The following CRYBG3 variants were observed in gnomAD, a reference collection of about 807,000 sequenced individuals.
CRYBG3 encodes the protein very large A-kinase anchor protein.
A neutral mutation model predicts 244.2 loss-of-function variants in CRYBG3; 127 were observed. The observed-to-expected ratio is 0.52, with a 90% CI of 0.45 to 0.60. CRYBG3 has a LOEUF of 0.60. CRYBG3 is among the 20% of genes least tolerant of loss of function. The pLI, the probability that CRYBG3 is intolerant of heterozygous loss-of-function variation, is 0.00. For synonymous variants in CRYBG3, 1,132 were observed against 1,195.8 expected (o/e 0.95, Z 1.10); for missense variants, 3,325 against 3,442.5 (o/e 0.97, Z 0.85).
At chr3:97,843,887 A>G (rs1376121540) in intron 2 of CRYBG3, among the ~76,000 whole-genome samples, 2 of 152,128 alleles carry the variant, frequency 1.3e-5, no homozygotes, top group African/African-American at 4.8e-5. Flanking sequence ...TCCAGTTTCT[A>G]GGTATGTGAT....
chr3:97,902,398 G>T (rs1263120521), intron 15 of CRYBG3, among the ~76,000 whole-genome samples: 1 of 151,836 alleles, frequency 6.6e-6, no homozygotes, highest in East Asian at 1.9e-4. Context: ...TTGAGATATT[G>T]GTGGAACATC....
chr3:97,863,527 T>TCC (rs1485123612), intron 2 of CRYBG3, among the ~76,000 whole-genome samples: 28 of 152,192 alleles, frequency 1.8e-4, no homozygotes, highest in African/African-American at 5.8e-4. Context: ...CAGGAAGGGG[T>TCC]CACAAGTGGG....
chr3:97,890,045 G>A (rs62264212), intron 10 of CRYBG3, among the ~76,000 whole-genome samples: 15 of 152,226 alleles, frequency 9.9e-5, no homozygotes, highest in South Asian at 4.1e-4. Flanking sequence ...GGATTCATTC[G>A]TCTTCCTCTT....
chr3:97,881,647 C>T (rs1327522368), intron 7 of CRYBG3, among the ~76,000 whole-genome samples: 1 of 151,934 alleles, frequency 6.6e-6, no homozygotes, highest in African/African-American at 2.4e-5. Flanking sequence ...ACTCGGGACA[C>T]GGAGGTTGCA....
intron 1 of CRYBG3, 56 bp from the exon 2 acceptor site, chr3:97,843,139 T>C: frequency 8.5e-7 from 1 of 1,172,216 alleles, no homozygotes; most frequent in Non-Finnish European, 1.2e-6. Flanking sequence ...ACAGAAAACT[T>C]TTAGTTTCGT....
chr3:97,874,139 A>C lies in CRYBG3; in HGVS notation c.2945A>C (p.His982Pro), dbSNP rs1467176116. The C allele has an allele frequency of 2.0e-6, 3 of 1,533,584 alleles. No individual in the cohort carries two copies. Among genetic ancestry groups the C allele is most frequent in the Admixed American group, 4.0e-5 (2 of 50,474 alleles). 95.0% of individuals were successfully genotyped at this position (1,533,584 alleles called of 1,614,324 possible). Residue 982 changes from histidine (H) to proline (P), a missense_variant, in exon 4 of 22, where the codon CAC (histidine) becomes CCC (proline). By Grantham distance (77) the His-to-Pro change is moderately conservative. This residue lies in a region of CRYBG3 where 1,526 missense variants were observed against 1,443.2 expected (regional missense o/e 1.06). Transcript: ENST00000389622. ...DICGTKKISG[H>P]SEMAELSLTN... ...TGTGGGACTAAAAAGATTTCTGGTC[A>C]CTCAGAAATGGCGGAACTCAGCTTA...
At chr3:97,869,808 G>C (rs2039279782) in intron 3 of CRYBG3, among the ~76,000 whole-genome samples, 1 of 152,208 alleles carries the variant, frequency 6.6e-6, no homozygotes, top group South Asian at 2.1e-4. Context: ...TGGTGCATTA[G>C]TATTTTAAGG....
At chr3:97,879,452 G>A (rs747809975) in intron 4 of CRYBG3, among the ~76,000 whole-genome samples, 3 of 152,084 alleles carry the variant, frequency 2.0e-5, no homozygotes, top group Non-Finnish European at 2.9e-5. Flanking sequence ...TTAGTCCCCT[G>A]GCTTAGTAGA....
Position 97,881,186 on chromosome 3 carries a change from C to T in CRYBG3, c.7119C>T (p.Asn2373=). Residue 2373 remains asparagine, a synonymous_variant, in exon 7 of 22, where the codon AAC becomes AAT. Transcript: ENST00000389622. The part of the protein sequence containing the change: ...ILQNRRHPQR[N]FILGSLKRVL... ...AGAACAGAAGGCATCCACAAAGAAACTTTATATTGGGTTCTCTCAAACGTG... is the reference window on the plus strand; with the variant it reads ...AGAACAGAAGGCATCCACAAAGAAATTTTATATTGGGTTCTCTCAAACGTG... The T allele has an allele frequency of 6.2e-7, 1 of 1,609,590 alleles. No individual in the cohort carries two copies. The highest frequency in any genetic ancestry group is 8.5e-7 in the Non-Finnish European group (1 of 1,177,942).
chr3:97,900,981 C>T (rs556786452), intron 15 of CRYBG3, among the ~76,000 whole-genome samples: 1 of 152,146 alleles, frequency 6.6e-6, no homozygotes, highest in Non-Finnish European at 1.5e-5. Context: ...CTTTGGAGCC[C>T]AACATTTGCT....
chr3:97,861,855 A>G (rs2039154663), intron 2 of CRYBG3, among the ~76,000 whole-genome samples: 1 of 152,126 alleles, frequency 6.6e-6, no homozygotes, highest in Admixed American at 6.6e-5. Context: ...TACATAATTT[A>G]TTGCAGGTGT....
In CRYBG3 at chr3:97,873,838, C is replaced by T; in HGVS notation, c.2644C>T (p.Gln882Ter). ...LSELTFLEVEQGKRFQSINHN... is the reference protein window; with the variant it reads ...LSELTFLEVE ...AGAATTAACCTTTCTAGAAGTTGAA[C>T]AGGGCAAACGTTTTCAATCAATTAA... The change falls in exon 4 of 22, where the codon CAG becomes TAG. Residue 882 changes from glutamine to a stop codon, truncating the protein, a stop_gained. Coordinates refer to ENST00000389622, the MANE Select transcript of CRYBG3 (RefSeq NM_153605.4). LOFTEE classifies it high-confidence loss of function. 6.5e-7 allele frequency: 1 copy of T among 1,533,898 alleles called. No individual in the cohort carries two copies. The highest frequency in any genetic ancestry group is 8.7e-7 in the Non-Finnish European group (1 of 1,146,196).
chr3:97,871,480 A>T (rs921906298), intron 3 of CRYBG3, among the ~76,000 whole-genome samples: 1 of 152,168 alleles, frequency 6.6e-6, no homozygotes, highest in African/African-American at 2.4e-5. Context: ...TCGTAGTAAT[A>T]TGAGGCCCAA....
rs1359185044 is a variant in CRYBG3 at position 97,886,676 on chromosome 3, G to A, written c.7198G>A (p.Ala2400Thr). ...AGAGCTTTTCCCACAATCTGACCCAGCCTGTTGTCCTGTCTACATACAGAG... is the reference window on the plus strand; with the variant it reads ...AGAGCTTTTCCCACAATCTGACCCAACCTGTTGTCCTGTCTACATACAGAG... ...EIELFPQSDP[A>T]CCPVYIQRAV... is the part of the protein sequence containing the mutation. The change falls in exon 8 of 22, where the codon GCC becomes ACC. Residue 2400 changes from alanine (A) to threonine (T), a missense_variant. By Grantham distance (58) the Ala-to-Thr change is moderately conservative (BLOSUM62 0). Transcript: ENST00000389622. The A allele has an allele frequency of 6.2e-7, 1 of 1,610,906 alleles. No individual in the cohort carries two copies. Among genetic ancestry groups the A allele is most frequent in the Admixed American group, 1.7e-5 (1 of 59,300 alleles).
intron 12 of CRYBG3, among the ~76,000 whole-genome samples, chr3:97,896,841 T>C (rs1381204761): frequency 6.6e-6 from 1 of 152,102 alleles, no homozygotes. Flanking sequence ...GTATTAATAG[T>C]GCTGAGATTG....
At chr3:97,850,001 A>G (rs942139487) in intron 2 of CRYBG3, among the ~76,000 whole-genome samples, 3 of 152,126 alleles carry the variant, frequency 2.0e-5, no homozygotes, top group African/African-American at 7.2e-5. Context: ...TTAGCCCAGC[A>G]TATATCGTGA....
At chr3:97,878,735 T>C (rs1053330333) in intron 4 of CRYBG3, among the ~76,000 whole-genome samples, 3 of 152,240 alleles carry the variant, frequency 2.0e-5, no homozygotes, top group Non-Finnish European at 4.4e-5. Context: ...AATTTTTAAG[T>C]ATTTGACAGC....
intron 19 of CRYBG3, among the ~76,000 whole-genome samples, chr3:97,939,979 G>C (rs1393849007): frequency 1.3e-5 from 2 of 151,970 alleles, no homozygotes; most frequent in African/African-American, 2.4e-5. Context: ...CTGTTCATTG[G>C]TTCTCTTACC....
chr3:97,943,132 G>A (rs1310918209), intron 21 of CRYBG3, 94 bp from the exon 22 acceptor site: 12 of 690,912 alleles, frequency 1.7e-5, no homozygotes, highest in Middle Eastern at 3.6e-4. Context: ...TTCATCCACC[G>A]AAATGGTGAG....
Sources: allele counts gnomAD v4.1 joint callset (sites outside exome capture counted in the v4.1 genomes callset), GRCh38; gene constraint gnomAD v4.1.1; regional missense constraint gnomAD v4.1.1; transcripts MANE v1.5; gene names NCBI Gene and HGNC (gene_info 2026-07-23, HGNC 2026-07-21).